DRC11: variants seen among roughly 807,000 people sequenced by gnomAD.
DRC11 encodes the protein dynein regulatory complex subunit 11.
the DRC11 span, among the ~76,000 whole-genome samples, chr2:236,437,057 C>T: frequency 3.4e-3 from 506 of 150,248 alleles, 2 homozygotes; most frequent in African/African-American, 0.012. Flanking sequence ...CATCATCTAG[C>T]ATTAGGTATA....
At chr2:236,387,926 A>T in the DRC11 span, among the ~76,000 whole-genome samples, 1 of 151,912 alleles carries the variant, frequency 6.6e-6, no homozygotes, top group South Asian at 2.1e-4. Context: ...TATGAAGCTT[A>T]GTTTGGCTGG....
the DRC11 span, among the ~76,000 whole-genome samples, chr2:236,371,077 G>A: frequency 6.6e-6 from 1 of 152,102 alleles, no homozygotes; most frequent in Non-Finnish European, 1.5e-5. The surrounding 1 kb of genome is among the most constrained non-coding windows in gnomAD (Gnocchi z 5.1). Context: ...AGCATTCCTG[G>A]CCTGGTGGAG....
At chr2:236,344,546 A>G in the DRC11 span, 1 of 1,604,010 alleles carries the variant, frequency 6.2e-7, no homozygotes, top group Non-Finnish European at 8.5e-7. Flanking sequence ...AAGGCATGAG[A>G]AAGTCCTCAC....
chr2:236,442,540 T>G, the DRC11 span, among the ~76,000 whole-genome samples: 1 of 152,160 alleles, frequency 6.6e-6, no homozygotes, highest in Non-Finnish European at 1.5e-5. Flanking sequence ...ATCAATGAAC[T>G]TTCCCCCTAT....
chr2:236,503,749 C>A, the DRC11 span: 7 of 1,496,616 alleles, frequency 4.7e-6, no homozygotes, highest in Non-Finnish European at 5.5e-6. The surrounding 1 kb of genome is among the most constrained non-coding windows in gnomAD (Gnocchi z 4.9). Context: ...TGACCACACC[C>A]CCTCCCACAC....
the DRC11 span, among the ~76,000 whole-genome samples, chr2:236,451,219 T>C: frequency 6.6e-6 from 1 of 152,174 alleles, no homozygotes; most frequent in Non-Finnish European, 1.5e-5. Context: ...ATTATGGCAC[T>C]AATTATATTA....
the DRC11 span, among the ~76,000 whole-genome samples, chr2:236,357,326 ATT>A: frequency 0.12 from 14,455 of 118,596 alleles, 1,730 homozygotes; most frequent in African/African-American, 0.32. Context: ...TATTATATAT[ATT>A]CATATATGAA....
chr2:236,309,180 G>C, the DRC11 span, among the ~76,000 whole-genome samples: 2 of 152,150 alleles, frequency 1.3e-5, no homozygotes, highest in Non-Finnish European at 2.9e-5. This position sits in a 1 kb window ranked among gnomAD's most constrained non-coding sequence, Gnocchi z 5.7. Flanking sequence ...CCCTCGCGGC[G>C]GCTCCCTGCT....
chr2:236,491,192 A>ATATATATATATATATATACACACAG, the DRC11 span, among the ~76,000 whole-genome samples: 97 of 49,612 alleles, frequency 2.0e-3, no homozygotes, highest in Non-Finnish European at 2.9e-3. Context: ...CACACAGTAT[A>ATATATATATATATATATACACACAG]TATATATATA....
chr2:236,470,469 G>A, the DRC11 span, among the ~76,000 whole-genome samples: 2 of 152,150 alleles, frequency 1.3e-5, no homozygotes, highest in African/African-American at 4.8e-5. This position sits in a 1 kb window ranked among gnomAD's most constrained non-coding sequence, Gnocchi z 5.1. Context: ...ACTTAGAGGC[G>A]CGTGTTCGGT....
the DRC11 span, chr2:236,338,469 T>C: frequency 8.2e-7 from 1 of 1,217,188 alleles, no homozygotes. Context: ...CATTGCAGCA[T>C]CCTTTGTTAA....
the DRC11 span, chr2:236,363,732 A>T: frequency 7.3e-7 from 1 of 1,378,174 alleles, no homozygotes; most frequent in Non-Finnish European, 1.0e-6. This position sits in a 1 kb window ranked among gnomAD's most constrained non-coding sequence, Gnocchi z 5.6. Context: ...TTGAAAATGT[A>T]ATTTGAAAGA....
At chr2:236,491,246 GTATA>G in the DRC11 span, among the ~76,000 whole-genome samples, 11 of 23,740 alleles carry the variant, frequency 4.6e-4, 1 homozygote, top group African/African-American at 1.4e-3. Context: ...TATATACACA[GTATA>G]TATATATATA....
At chr2:236,408,253 T>TA in the DRC11 span, 1 of 850,028 alleles carries the variant, frequency 1.2e-6, no homozygotes, top group Non-Finnish European at 2.1e-6. The surrounding 1 kb of genome is among the most constrained non-coding windows in gnomAD (Gnocchi z 5.5). Context: ...GCGGTGATGG[T>TA]AGCCTTTCTG....
At chr2:236,425,310 T>C in the DRC11 span, among the ~76,000 whole-genome samples, 1 of 152,016 alleles carries the variant, frequency 6.6e-6, no homozygotes, top group Non-Finnish European at 1.5e-5. Context: ...CTCACATCCT[T>C]GCCAACATTT....
the DRC11 span, among the ~76,000 whole-genome samples, chr2:236,429,613 A>G: frequency 1.3e-5 from 2 of 152,122 alleles, no homozygotes; most frequent in African/African-American, 2.4e-5. The surrounding 1 kb of genome is among the most constrained non-coding windows in gnomAD (Gnocchi z 5.9). Context: ...GCATGCATGC[A>G]GTAGGTGCTC....
chr2:236,479,679 T>G, the DRC11 span, among the ~76,000 whole-genome samples: 2 of 152,202 alleles, frequency 1.3e-5, no homozygotes, highest in Non-Finnish European at 2.9e-5. The surrounding 1 kb of genome is among the most constrained non-coding windows in gnomAD (Gnocchi z 4.1). Flanking sequence ...TTACATCTTT[T>G]TATATTACTT....
the DRC11 span, among the ~76,000 whole-genome samples, chr2:236,466,923 A>G: frequency 6.6e-6 from 1 of 152,200 alleles, no homozygotes; most frequent in Admixed American, 6.5e-5. Context: ...TACAGCCATA[A>G]ATATTATAAG....
chr2:236,342,688 C>A, the DRC11 span, among the ~76,000 whole-genome samples: 1 of 152,288 alleles, frequency 6.6e-6, no homozygotes, highest in South Asian at 2.1e-4. The surrounding 1 kb of genome is among the most constrained non-coding windows in gnomAD (Gnocchi z 5.8). Flanking sequence ...CCGCTCCTCT[C>A]CTGCTGCAGC....
Sources: gnomAD v4.1 joint callset for allele counts (sites outside exome capture counted in the v4.1 genomes callset) on GRCh38, gnomAD v4.1.1 for gene constraint, Gnocchi (gnomAD v3.1) non-coding constraint, MANE v1.5 for transcripts, NCBI Gene and HGNC (gene_info 2026-07-23, HGNC 2026-07-21) for gene names.